EHMT1: variants seen among roughly 807,000 people sequenced by gnomAD.
EHMT1 encodes histone-lysine N-methyltransferase EHMT1.
A neutral mutation model predicts 147.2 loss-of-function variants in EHMT1; 15 were observed. The observed-to-expected ratio is 0.10, with a 90% CI of 0.07 to 0.16. The LOEUF (loss-of-function observed/expected upper bound fraction) is 0.16, where lower values mean the gene tolerates loss of function less well. EHMT1 is among the 10% of genes least tolerant of loss of function. The pLI, the probability that EHMT1 is intolerant of heterozygous loss-of-function variation, is 1.00. For missense variants in EHMT1, 1,587 were observed against 1,772.4 expected (o/e 0.90, Z 1.88); for synonymous variants, 795 against 709.6 (o/e 1.12, Z -1.91).
chr9:137,708,328 T>C (rs1396892861), intron 1 of EHMT1, among the ~76,000 whole-genome samples: 1 of 152,202 alleles, frequency 6.6e-6, no homozygotes, highest in Non-Finnish European at 1.5e-5. Flanking sequence ...TTTGATATCT[T>C]TTCAGATAAT....
intron 10 of EHMT1, among the ~76,000 whole-genome samples, chr9:137,767,551 G>A (rs1056428045): frequency 2.6e-5 from 4 of 152,174 alleles, no homozygotes; most frequent in South Asian, 2.1e-4. Context: ...GGTGGCTCAC[G>A]CCTATAATCC....
chr9:137,695,105 T>G (rs533063230), intron 1 of EHMT1, among the ~76,000 whole-genome samples: 2 of 152,008 alleles, frequency 1.3e-5, no homozygotes, highest in East Asian at 3.9e-4. Flanking sequence ...GTTTTTGGGG[T>G]TTTTGCAGGC....
At chr9:137,811,976 G>A (rs189199333) in intron 19 of EHMT1, among the ~76,000 whole-genome samples, 141 of 152,324 alleles carry the variant, frequency 9.3e-4, no homozygotes, top group Middle Eastern at 6.8e-3. Flanking sequence ...TCTGGGAGCA[G>A]TGCCACCCAC....
At chr9:137,820,806 G>A (rs1588889246) in intron 25 of EHMT1, among the ~76,000 whole-genome samples, 1 of 152,170 alleles carries the variant, frequency 6.6e-6, no homozygotes, top group Non-Finnish European at 1.5e-5. Context: ...ACTGTTCTTG[G>A]CCTGGGCTGT....
rs558885053 is a variant in EHMT1 at position 137,773,893 on chromosome 9, T to C, written c.1648-1216T>C. Among the ~76,000 whole-genome samples the C allele has an allele frequency of 1.2e-3, 180 of 152,358 alleles. 2 individuals carry two copies. The highest frequency in any genetic ancestry group is 4.2e-3 in the African/African-American group (174 of 41,584). ...GGGGGGGCTACTTCTTGTTTTCTTA[T>C]TGGCTATCAGAGAACTTTCCGTAGC... On this transcript the variant is annotated intron_variant, in intron 10 of 26. Coordinates refer to ENST00000460843, the MANE Select transcript of EHMT1 (RefSeq NM_024757.5).
chr9:137,686,975 C>T lies in EHMT1; in HGVS notation c.22-23992C>T, dbSNP rs554000810. On this transcript the variant is annotated intron_variant, in intron 1 of 26. Transcript: ENST00000460843. ...TGATCTCCTGGCCTCATGATCCACCCGCCTCGGCCTCCCAAAGTGCTGGAA... is the reference window on the plus strand; with the variant it reads ...TGATCTCCTGGCCTCATGATCCACCTGCCTCGGCCTCCCAAAGTGCTGGAA... 1.4e-4 allele frequency among the ~76,000 whole-genome samples: 21 copies of T among 152,154 alleles called. No homozygotes were observed. The East Asian group carries it at 3.5e-3, about 25-fold the overall frequency.
intron 1 of EHMT1, among the ~76,000 whole-genome samples, chr9:137,624,613 C>G (rs1206253745): frequency 1.3e-5 from 2 of 152,100 alleles, no homozygotes; most frequent in Non-Finnish European, 2.9e-5. Flanking sequence ...AGCCACCATG[C>G]CTGGACTCCA....
intron 10 of EHMT1, among the ~76,000 whole-genome samples, chr9:137,770,696 A>G (rs1176546158): frequency 1.3e-5 from 2 of 152,318 alleles, no homozygotes; most frequent in East Asian, 3.9e-4. Context: ...TCAGCAAGAC[A>G]GAAGGATCCA....
intron 1 of EHMT1, among the ~76,000 whole-genome samples, chr9:137,641,984 C>T (rs563297339): frequency 2.6e-5 from 4 of 152,066 alleles, no homozygotes; most frequent in East Asian, 3.9e-4. Context: ...GGACTACAGG[C>T]ACCCACCACC....
chr9:137,635,943 G>A (rs1039316212), intron 1 of EHMT1, among the ~76,000 whole-genome samples: 1 of 149,980 alleles, frequency 6.7e-6, no homozygotes, highest in Non-Finnish European at 1.5e-5. Flanking sequence ...TTTTTGAGAT[G>A]GGGAGTCTTG....
rs146125583 is a variant in EHMT1 at position 137,754,300 on chromosome 9, C to T, written c.1369+9C>T. Reference sequence around the variant, plus strand: ...GCCCAGCGGTGCCCTCGGTAAATGCCGTGGGGGTGTGGGCCATCACGGGGA... The same window carrying T: ...GCCCAGCGGTGCCCTCGGTAAATGCTGTGGGGGTGTGGGCCATCACGGGGA... On this transcript the variant is annotated intron_variant, in intron 8 of 26. Coordinates refer to ENST00000460843, the MANE Select transcript of EHMT1 (RefSeq NM_024757.5). 15,627 of 1,613,704 alleles carry T rather than the reference C, an allele frequency of 9.7e-3. 114 individuals carry two copies. The highest frequency in any genetic ancestry group is 0.012 in the Non-Finnish European group (14,036 of 1,179,792).
chr9:137,756,623 T>A (rs1949398038), intron 8 of EHMT1, among the ~76,000 whole-genome samples: 1 of 152,180 alleles, frequency 6.6e-6, no homozygotes, highest in South Asian at 2.1e-4. Context: ...AGTTTATTGA[T>A]TCAGATCATA....
rs139904566 is a variant in EHMT1, at chr9:137,774,859, C to T, written c.1648-250C>T. On this transcript the variant is annotated intron_variant, in intron 10 of 26. Coordinates refer to ENST00000460843, the MANE Select transcript of EHMT1 (RefSeq NM_024757.5). Reference sequence around the variant, plus strand: ...TGGCCCACTGGACCTGCTCATGTGCCGCTGCCTCCTGCAGTTTGTGCAGAT... The same window carrying T: ...TGGCCCACTGGACCTGCTCATGTGCTGCTGCCTCCTGCAGTTTGTGCAGAT... Among the ~76,000 whole-genome samples, 153 of 152,266 alleles carry T rather than the reference C, an allele frequency of 1.0e-3. 1 individual carries two copies. Among genetic ancestry groups the T allele is most frequent in the African/African-American group, 3.2e-3 (132 of 41,540 alleles).
intron 6 of EHMT1, 47 bp downstream of exon 6, chr9:137,744,137 A>G (rs563106329): frequency 4.3e-6 from 7 of 1,609,286 alleles, no homozygotes; most frequent in Admixed American, 1.7e-5. Context: ...GAGCATCACA[A>G]AGTTGGCCGT....
intron 25 of EHMT1, among the ~76,000 whole-genome samples, chr9:137,822,918 TTTG>T (rs944086302): frequency 3.3e-5 from 5 of 151,404 alleles, no homozygotes; most frequent in South Asian, 2.1e-4. Flanking sequence ...AAGCCTGTTT[TTTG>T]TTGTTGTTGT....
intron 25 of EHMT1, among the ~76,000 whole-genome samples, chr9:137,829,316 A>G (rs763778461): frequency 5.5e-4 from 83 of 152,156 alleles, no homozygotes; most frequent in Admixed American, 1.4e-3. Context: ...TTCCTTTTTG[A>G]CCACACATTG....
intron 1 of EHMT1, among the ~76,000 whole-genome samples, chr9:137,702,648 G>A (rs1360705260): frequency 6.6e-6 from 1 of 152,170 alleles, no homozygotes; most frequent in Admixed American, 6.5e-5. Context: ...ACAAGCCGTA[G>A]ATGGATCTAC....
At chr9:137,627,266 T>TC (rs1186587045) in intron 1 of EHMT1, among the ~76,000 whole-genome samples, 4 of 144,320 alleles carry the variant, frequency 2.8e-5, no homozygotes, top group African/African-American at 1.0e-4. Flanking sequence ...CCATTTTTTT[T>TC]TTTTTTTTTT....
At chr9:137,687,402 G>T (rs1942550300) in intron 1 of EHMT1, among the ~76,000 whole-genome samples, 1 of 152,180 alleles carries the variant, frequency 6.6e-6, no homozygotes, top group Non-Finnish European at 1.5e-5. Context: ...CATTGGGTCA[G>T]TTTAGGTAGA....
Sources: gnomAD v4.1 joint callset for allele counts (sites outside exome capture counted in the v4.1 genomes callset) on GRCh38, gnomAD v4.1.1 for gene constraint, MANE v1.5 for transcripts, NCBI Gene and HGNC (gene_info 2026-07-23, HGNC 2026-07-21) for gene names.